SEPTIN7: variants seen among roughly 807,000 people sequenced by gnomAD.
SEPTIN7 encodes the protein septin-7.
Under a neutral mutation model 63.3 loss-of-function variants are expected in SEPTIN7, and 10 were observed. That is an observed-to-expected ratio of 0.16 (90% confidence interval 0.10 to 0.27). The LOEUF (loss-of-function observed/expected upper bound fraction) is 0.27, where lower values mean the gene tolerates loss of function less well. Ranked by LOEUF, SEPTIN7 falls within the 10% of genes least tolerant of loss-of-function variation. The pLI is 1.00. For synonymous variants in SEPTIN7, 131 were observed against 165.3 expected (o/e 0.79, Z 1.59); for missense variants, 310 against 521.0 (o/e 0.59, Z 3.94).
chr7:35,833,647 G>A (rs1207637748), intron 3 of SEPTIN7, among the ~76,000 whole-genome samples: 1 of 151,952 alleles, frequency 6.6e-6, no homozygotes, highest in Non-Finnish European at 1.5e-5. Context: ...TACGAATATT[G>A]TATAGTGTAA....
At chr7:35,910,950 T>C (rs1418270822), downstream of SEPTIN7, among the ~76,000 whole-genome samples, 1 of 152,126 alleles carries the variant, frequency 6.6e-6, no homozygotes, top group African/African-American at 2.4e-5. Flanking sequence ...GAACCAGCAG[T>C]CGATTTGGAT....
At chr7:35,805,002 C>T (rs1178179525) in intron 1 of SEPTIN7, among the ~76,000 whole-genome samples, 1 of 152,002 alleles carries the variant, frequency 6.6e-6, no homozygotes, top group Admixed American at 6.6e-5. Context: ...CTGCCTCAGC[C>T]TCCCAAGTAG....
At chr7:35,820,173 T>G (rs1789327852) in intron 1 of SEPTIN7, among the ~76,000 whole-genome samples, 1 of 152,188 alleles carries the variant, frequency 6.6e-6, no homozygotes, top group Non-Finnish European at 1.5e-5. Flanking sequence ...ATATAGTTGC[T>G]TCTCATAAGC....
At chr7:35,909,124 A>G (rs1300165461), downstream of SEPTIN7, among the ~76,000 whole-genome samples, 3 of 151,486 alleles carry the variant, frequency 2.0e-5, no homozygotes, top group East Asian at 1.9e-4. Context: ...GAGCTGTCCA[A>G]TTTTTTTTTC....
chr7:35,810,559 A>ACAAATAAGTTACAGCAGATAC (rs1788633730), intron 1 of SEPTIN7, among the ~76,000 whole-genome samples: 1 of 151,978 alleles, frequency 6.6e-6, no homozygotes, highest in African/African-American at 2.4e-5. Context: ...TCCTGACCTC[A>ACAAATAAGTTACAGCAGATAC]TGATCCGCCC....
chr7:35,873,939 G>GTCC, intron 6 of SEPTIN7, 164 bp downstream of exon 6: 1 of 612,220 alleles, frequency 1.6e-6, no homozygotes, highest in South Asian at 2.5e-5. Flanking sequence ...GCCATTTTAA[G>GTCC]TCCTATATAA....
chr7:35,825,622 A>G (rs1161536576), intron 1 of SEPTIN7, among the ~76,000 whole-genome samples: 1 of 151,416 alleles, frequency 6.6e-6, no homozygotes, highest in Admixed American at 6.6e-5. Context: ...AGCTTATCTC[A>G]CCTCCCTATT....
intron 10 of SEPTIN7, among the ~76,000 whole-genome samples, chr7:35,888,323 G>A (rs142186483): frequency 3.3e-4 from 50 of 152,224 alleles, no homozygotes; most frequent in African/African-American, 9.9e-4. Context: ...TTATGTAGTC[G>A]TATAGAAGAC....
intron 9 of SEPTIN7, among the ~76,000 whole-genome samples, 194 bp downstream of exon 9, chr7:35,884,181 A>T (rs1787079672): frequency 6.6e-6 from 1 of 152,134 alleles, no homozygotes; most frequent in African/African-American, 2.4e-5. Context: ...GTATCCTACC[A>T]AGTCAGGCAA....
At chr7:35,839,527 T>TGTTAG (rs1490143127) in intron 3 of SEPTIN7, among the ~76,000 whole-genome samples, 11 of 120,574 alleles carry the variant, frequency 9.1e-5, no homozygotes, top group East Asian at 4.1e-4. Context: ...TTGTAATTTA[T>TGTTAG]GTTATGTTAT....
chr7:35,829,877 G>A (rs993086260), intron 1 of SEPTIN7, among the ~76,000 whole-genome samples: 2 of 152,014 alleles, frequency 1.3e-5, no homozygotes, highest in Non-Finnish European at 2.9e-5. Context: ...CTTTTTGAAG[G>A]TGACATTTGA....
chr7:35,801,100 C>A lies in SEPTIN7; in HGVS notation c.-110C>A, dbSNP rs1196312297. ...GGAGGAGTCCGCCTGCTGTAGCGTGCGTAAGCAAGGCAGCTACGCCGGGCG... is the reference window on the plus strand; with the variant it reads ...GGAGGAGTCCGCCTGCTGTAGCGTGAGTAAGCAAGGCAGCTACGCCGGGCG... On this transcript the variant is annotated 5_prime_UTR_variant, in exon 1 of 14. Coordinates refer to ENST00000350320, the MANE Select transcript of SEPTIN7 (RefSeq NM_001788.6). 5 of 827,932 alleles carry A rather than the reference C, an allele frequency of 6.0e-6. No homozygotes were observed. Among genetic ancestry groups the A allele is most frequent in the African/African-American group, 5.5e-5 (3 of 54,786 alleles). The allele number at this position is 827,932 out of a possible 1,614,324, so 51.3% of individuals were successfully genotyped here. A position where few individuals can be genotyped will look rare whatever the true frequency, so the allele number is the denominator to read the frequency against.
At chr7:35,911,045 G>A (rs900249081), downstream of SEPTIN7, among the ~76,000 whole-genome samples, 1 of 152,184 alleles carries the variant, frequency 6.6e-6, no homozygotes, top group Non-Finnish European at 1.5e-5. Flanking sequence ...CCTGGTTGCA[G>A]CCATGTCAAG....
At position 35,816,746 on chromosome 7, in the gene SEPTIN7, C is replaced by T. The variant is rs139697343; in HGVS notation, c.62-14746C>T. Among the ~76,000 whole-genome samples, 8 of 152,196 alleles carry T rather than the reference C, an allele frequency of 5.3e-5. No homozygotes were observed. In the East Asian group the frequency reaches 1.3e-3, roughly 26 times the overall value. ...ACATTCTTGTCCATACTTGTTATTG[C>T]CTGTGTTTTAAAACTATCCTACTGG... On this transcript the variant is annotated intron_variant, in intron 1 of 13. Coordinates refer to ENST00000350320, the MANE Select transcript of SEPTIN7 (RefSeq NM_001788.6).
At position 35,801,100 on chromosome 7, in the gene SEPTIN7, C is replaced by G; in HGVS notation, c.-110C>G. Reference sequence around the variant, plus strand: ...GGAGGAGTCCGCCTGCTGTAGCGTGCGTAAGCAAGGCAGCTACGCCGGGCG... The same window carrying G: ...GGAGGAGTCCGCCTGCTGTAGCGTGGGTAAGCAAGGCAGCTACGCCGGGCG... On this transcript the variant is annotated 5_prime_UTR_variant, in exon 1 of 14. Coordinates refer to ENST00000350320, the MANE Select transcript of SEPTIN7 (RefSeq NM_001788.6). The G allele has an allele frequency of 1.2e-6, 1 of 828,054 alleles. No individual in the cohort carries two copies. Among genetic ancestry groups the G allele is most frequent in the Non-Finnish European group, 1.8e-6 (1 of 565,764 alleles). The allele number at this position is 828,054 out of a possible 1,614,324, so 51.3% of individuals were successfully genotyped here. A position where few individuals can be genotyped will look rare whatever the true frequency, so the allele number is the denominator to read the frequency against.
chr7:35,839,645 C>T (rs1439263288), intron 3 of SEPTIN7, among the ~76,000 whole-genome samples: 4 of 152,086 alleles, frequency 2.6e-5, no homozygotes, highest in African/African-American at 9.7e-5. Flanking sequence ...CTCCACCTCC[C>T]AGGTTCAAGC....
intron 11 of SEPTIN7, among the ~76,000 whole-genome samples, chr7:35,898,020 T>C (rs1335598652): frequency 6.6e-6 from 1 of 152,222 alleles, no homozygotes; most frequent in Non-Finnish European, 1.5e-5. Flanking sequence ...TTATTTGGTA[T>C]GTCATCCTTA....
chr7:35,859,109 T>A (rs1421676786), intron 3 of SEPTIN7, among the ~76,000 whole-genome samples: 3 of 152,314 alleles, frequency 2.0e-5, no homozygotes, highest in African/African-American at 4.8e-5. Flanking sequence ...GTTGTTTTTT[T>A]AAAATCTTCA....
chr7:35,896,326 ACATT>A (rs1787958383), intron 11 of SEPTIN7, among the ~76,000 whole-genome samples: 1 of 152,214 alleles, frequency 6.6e-6, no homozygotes, highest in African/African-American at 2.4e-5. Context: ...GCTTAAATAC[ACATT>A]CAGTTACTTA....
Sources: allele counts gnomAD v4.1 joint callset (sites outside exome capture counted in the v4.1 genomes callset), GRCh38; gene constraint gnomAD v4.1.1; transcripts MANE v1.5; gene names NCBI Gene and HGNC (gene_info 2026-07-23, HGNC 2026-07-21).